Variants in ELOVL2 observed in about 807,000 individuals in gnomAD.
The protein encoded by ELOVL2 is very long chain fatty acid elongase 2.
ELOVL2 carries 38 observed loss-of-function variants against 37.7 expected under a neutral mutation model. That is an observed-to-expected ratio of 1.01 (90% confidence interval 0.78 to 1.32). ELOVL2 has a LOEUF of 1.32. Ranked by LOEUF, ELOVL2 falls within the 40% of genes most tolerant of loss-of-function variation. The pLI is 0.00. For synonymous variants in ELOVL2, 115 were observed against 122.3 expected (o/e 0.94, Z 0.40); for missense variants, 352 against 363.6 (o/e 0.97, Z 0.26).
chr6:11,022,841 A>G (rs961393222), intron 1 of ELOVL2, among the ~76,000 whole-genome samples: 33 of 152,208 alleles, frequency 2.2e-4, no homozygotes, highest in Admixed American at 5.9e-4. Context: ...AATAATGACT[A>G]TAATAGTTTC....
intron 3 of ELOVL2, among the ~76,000 whole-genome samples, chr6:11,002,263 C>T (rs1782401376): frequency 6.6e-6 from 1 of 152,236 alleles, no homozygotes; most frequent in Non-Finnish European, 1.5e-5. Flanking sequence ...CAGCCTCTCA[C>T]TCTTTCTTAC....
At position 10,990,418 on chromosome 6, in the gene ELOVL2, C is replaced by T. The variant is rs761984680; in HGVS notation, c.530G>A (p.Ser177Asn). ...GGAGTACATAAGAATGTGGATAAAA[C>T]TGTTCAGTGTTGGTCCAAAGAAACC... The part of the protein sequence containing the change: ...GQSFFGPTLN[S>N]FIHILMYSYY... Residue 177 changes from serine (S) to asparagine (N), a missense_variant, in exon 6 of 8, where the codon AGT becomes AAT. By Grantham distance (46) the Ser-to-Asn change is conservative (BLOSUM62 1). Transcript: ENST00000354666. 2 of 1,608,996 alleles carry T rather than the reference C, an allele frequency of 1.2e-6. No individual in the cohort carries two copies. The highest frequency in any genetic ancestry group is 4.5e-5 in the East Asian group (2 of 44,718).
At chr6:11,035,314 T>C (rs1330699855) in intron 1 of ELOVL2, among the ~76,000 whole-genome samples, 1 of 152,194 alleles carries the variant, frequency 6.6e-6, no homozygotes, top group East Asian at 1.9e-4. Context: ...TTCAAATTTG[T>C]GTGCACTTGA....
intron 1 of ELOVL2, among the ~76,000 whole-genome samples, chr6:11,042,839 G>A (rs2113574413): frequency 6.6e-6 from 1 of 152,170 alleles, no homozygotes; most frequent in Non-Finnish European, 1.5e-5. Context: ...TTGCTTTATT[G>A]GGTTAATTCA....
At chr6:11,004,340 G>A (rs1432184756) in intron 3 of ELOVL2, among the ~76,000 whole-genome samples, 5 of 151,422 alleles carry the variant, frequency 3.3e-5, no homozygotes, top group African/African-American at 7.3e-5. Flanking sequence ...ATTATCCACC[G>A]CTTATAGCTT....
In ELOVL2 at chr6:10,982,637, G is replaced by C. The variant is rs904639960; in HGVS notation, c.*1144C>G. The C allele has an allele frequency of 1.3e-5, 2 of 152,138 alleles. No homozygotes were observed. Among genetic ancestry groups the C allele is most frequent in the Non-Finnish European group, 2.9e-5 (2 of 68,050 alleles). 9.4% of individuals were successfully genotyped at this position (152,138 alleles called of 1,614,324 possible). ...CTCGGTAGAGATCGCATATACCTGA[G>C]CAGGGAACAGGAGTGCTGAGTTTGC... is the stretch of plus-strand genomic sequence containing the variant. On this transcript the variant is annotated 3_prime_UTR_variant, in exon 8 of 8. Coordinates refer to ENST00000354666, the MANE Select transcript of ELOVL2 (RefSeq NM_017770.4).
At chr6:11,015,960 G>C (rs1782677897) in intron 1 of ELOVL2, 1 of 152,264 alleles carries the variant, frequency 6.6e-6, no homozygotes, top group East Asian at 1.9e-4. Context: ...AGGCTGCCTT[G>C]CAATCAGAAT....
At chr6:11,010,054 C>T (rs2113521519) in intron 2 of ELOVL2, among the ~76,000 whole-genome samples, 1 of 143,424 alleles carries the variant, frequency 7.0e-6, no homozygotes, top group East Asian at 2.1e-4. Flanking sequence ...GACAGAGTCT[C>T]ACTCTGTTGC....
chr6:10,992,795 C>CAAAACAAAAA (rs1246133062), intron 5 of ELOVL2, among the ~76,000 whole-genome samples: 1 of 115,470 alleles, frequency 8.7e-6, no homozygotes, highest in Non-Finnish European at 1.7e-5. Context: ...TCAAAAAAAA[C>CAAAACAAAAA]AAAACAAAAA....
chr6:11,015,041 A>T (rs73723627), intron 1 of ELOVL2, among the ~76,000 whole-genome samples: 12,670 of 152,272 alleles, frequency 0.083, 1,677 homozygotes, highest in African/African-American at 0.28. Context: ...ATATAAAGGA[A>T]TGAACAATTG....
chr6:11,032,342 C>CA (rs4053074), intron 1 of ELOVL2, among the ~76,000 whole-genome samples: 39 of 119,184 alleles, frequency 3.3e-4, no homozygotes, highest in South Asian at 8.8e-4. Flanking sequence ...GTTTCCTATA[C>CA]AAAAAAAAAA....
intron 1 of ELOVL2, among the ~76,000 whole-genome samples, chr6:11,016,057 G>A (rs781460243): frequency 1.3e-4 from 20 of 150,062 alleles, no homozygotes; most frequent in East Asian, 8.0e-4. Context: ...TTCTGCCTGC[G>A]CTTTCTCTGG....
At chr6:10,994,218 C>T (rs1466206470) in intron 5 of ELOVL2, among the ~76,000 whole-genome samples, 4 of 151,678 alleles carry the variant, frequency 2.6e-5, no homozygotes, top group Non-Finnish European at 4.4e-5. Flanking sequence ...TGTAATCCCA[C>T]CACTTTAGGA....
In ELOVL2 at chr6:10,982,452, A is replaced by T. The variant is rs969805319; in HGVS notation, c.*1329T>A. 6.6e-6 allele frequency: 1 copy of T among 152,232 alleles called. No homozygotes were observed. The highest frequency in any genetic ancestry group is 2.4e-5 in the African/African-American group (1 of 41,464). 9.4% of individuals were successfully genotyped at this position (152,232 alleles called of 1,614,324 possible). On this transcript the variant is annotated 3_prime_UTR_variant, in exon 8 of 8. Coordinates refer to ENST00000354666, the MANE Select transcript of ELOVL2 (RefSeq NM_017770.4). ...AAGATGAAGTGACTTCATCGAAGCT[A>T]ACAAGTTTTATTTTATAGGGTATAA... is the stretch of plus-strand genomic sequence containing the variant.
chr6:10,992,894 A>C (rs1260230184), intron 5 of ELOVL2, among the ~76,000 whole-genome samples: 6 of 152,028 alleles, frequency 3.9e-5, no homozygotes, highest in Non-Finnish European at 5.9e-5. Flanking sequence ...CATACAAAAC[A>C]GAGAAATATG....
intron 3 of ELOVL2, among the ~76,000 whole-genome samples, chr6:11,005,114 G>A (rs541337339): frequency 3.2e-4 from 49 of 152,076 alleles, no homozygotes; most frequent in African/African-American, 1.0e-3. Flanking sequence ...AGCTGAGATT[G>A]TGCCATTGCC....
At chr6:11,010,901 A>G in intron 1 of ELOVL2, 92 bp from the exon 2 acceptor site, 2 of 933,112 alleles carry the variant, frequency 2.1e-6, no homozygotes, top group Non-Finnish European at 3.3e-6. Context: ...TGTAACTGAC[A>G]GACTTTCAAA....
At chr6:11,009,558 T>C (rs1219999524) in intron 2 of ELOVL2, among the ~76,000 whole-genome samples, 69 of 152,098 alleles carry the variant, frequency 4.5e-4, no homozygotes, top group Admixed American at 4.5e-3. Flanking sequence ...ACCTCAAGTG[T>C]GACAGGAACT....
At chr6:11,043,901 G>A (rs938054350) in intron 1 of ELOVL2, 4 of 248,686 alleles carry the variant, frequency 1.6e-5, no homozygotes, top group Non-Finnish European at 3.1e-5. Flanking sequence ...GCTTCCTCGG[G>A]CATCCCGGGC....
Sources: allele counts gnomAD v4.1 joint callset (sites outside exome capture counted in the v4.1 genomes callset), GRCh38; gene constraint gnomAD v4.1.1; transcripts MANE v1.5; gene names NCBI Gene and HGNC (gene_info 2026-07-23, HGNC 2026-07-21).